BTBD7: variants seen among roughly 807,000 people sequenced by gnomAD.
BTBD7 encodes the protein BTB/POZ domain-containing protein 7.
Under a neutral mutation model 99.9 loss-of-function variants are expected in BTBD7, and 38 were observed. That is an observed-to-expected ratio of 0.38 (90% CI 0.29 to 0.50). The LOEUF is 0.50. BTBD7 is among the 20% of genes least tolerant of loss of function. The pLI, the probability that BTBD7 is intolerant of heterozygous loss-of-function variation, is 0.93. For synonymous variants in BTBD7, 520 were observed against 511.4 expected (o/e 1.02, Z -0.23); for missense variants, 1,170 against 1,394.6 (o/e 0.84, Z 2.57).
chr14:93,313,700 ACACACACAC>A (rs1316543133), intron 1 of BTBD7, among the ~76,000 whole-genome samples: 1 of 151,776 alleles, frequency 6.6e-6, no homozygotes, highest in Non-Finnish European at 1.5e-5. Context: ...ACACACACAC[ACACACACAC>A]ACACACAATC....
chr14:93,245,951 A>G lies in BTBD7; in HGVS notation c.2457T>C (p.Ser819=). 1.2e-6 allele frequency: 2 copies of G among 1,613,966 alleles called. No individual in the cohort carries two copies. Among genetic ancestry groups the G allele is most frequent in the Non-Finnish European group, 8.5e-7 (1 of 1,179,984 alleles). The change falls in exon 10 of 11, where the codon AGT becomes AGC. Residue 819 remains serine, a synonymous_variant. Coordinates refer to ENST00000334746, the MANE Select transcript of BTBD7 (RefSeq NM_001002860.4). ...TACAATCAGGCGGTGCAGCTTTCACACTCGGCAAGTAGACTGGGGGAGGGC... is the reference window on the plus strand; with the variant it reads ...TACAATCAGGCGGTGCAGCTTTCACGCTCGGCAAGTAGACTGGGGGAGGGC... ...KAGPPPVYLP[S]VKAAPPDCTS...
rs775870191 is a variant in BTBD7 at position 93,257,361 on chromosome 14, A to G, written c.1448-6T>C. ...GCCACTCAGTAAGTTTGGCTCTATG[A>G]GACAGAAAATGAAAAGTTTCCAACC... is the stretch of plus-strand genomic sequence containing the variant. On this transcript the variant is annotated splice_region_variant and splice_polypyrimidine_tract_variant and intron_variant, in intron 5 of 10. Coordinates refer to ENST00000334746, the MANE Select transcript of BTBD7 (RefSeq NM_001002860.4). 6.3e-7 allele frequency: 1 copy of G among 1,588,088 alleles called. No homozygotes were observed. Among genetic ancestry groups the G allele is most frequent in the East Asian group, 2.2e-5 (1 of 44,666 alleles).
rs2093768888 is a variant in BTBD7, at chr14:93,257,068, G to C, written c.1608+127C>G. On this transcript the variant is annotated intron_variant, in intron 6 of 10. Coordinates refer to ENST00000334746, the MANE Select transcript of BTBD7 (RefSeq NM_001002860.4). ...ACAACATCGTACACAATAGACATCTGTCTCTGTCCTCACAGAATTACAGCT... is the reference window on the plus strand; with the variant it reads ...ACAACATCGTACACAATAGACATCTCTCTCTGTCCTCACAGAATTACAGCT... 2.2e-5 allele frequency: 20 copies of C among 909,382 alleles called. No homozygotes were observed. In the South Asian group the frequency reaches 3.4e-4, roughly 16 times the overall value. 56.3% of individuals were successfully genotyped at this position (909,382 alleles called of 1,614,324 possible).
intron 1 of BTBD7, among the ~76,000 whole-genome samples, chr14:93,305,595 G>T (rs1312137807): frequency 6.6e-6 from 1 of 152,168 alleles, no homozygotes; most frequent in Non-Finnish European, 1.5e-5. Context: ...CTACCCACTT[G>T]TAGCAGAAAC....
chr14:93,240,291 C>T lies in BTBD7; in HGVS notation c.*1982G>A, dbSNP rs970936099. Reference sequence around the variant, plus strand: ...CAGTTTGCCGGGGCGTGCAGACACACGACATGTTTCCCATCTTGGAGACTA... The same window carrying T: ...CAGTTTGCCGGGGCGTGCAGACACATGACATGTTTCCCATCTTGGAGACTA... On this transcript the variant is annotated 3_prime_UTR_variant, in exon 11 of 11. Transcript: ENST00000334746. The T allele has an allele frequency of 2.0e-5, 3 of 152,614 alleles. No individual in the cohort carries two copies. Among genetic ancestry groups the T allele is most frequent in the Admixed American group, 6.5e-5 (1 of 15,286 alleles). The allele number at this position is 152,614 out of a possible 1,614,324, so 9.5% of individuals were successfully genotyped here.
intron 1 of BTBD7, among the ~76,000 whole-genome samples, chr14:93,315,940 G>A (rs2053198423): frequency 7.0e-6 from 1 of 143,178 alleles, no homozygotes; most frequent in South Asian, 2.2e-4. Context: ...ATGCCTAGGA[G>A]CAAAATGTAT....
At chr14:93,247,686 G>A (rs2052328461) in intron 9 of BTBD7, among the ~76,000 whole-genome samples, 1 of 152,198 alleles carries the variant, frequency 6.6e-6, no homozygotes, top group African/African-American at 2.4e-5. Flanking sequence ...AAGGGGTTTG[G>A]AGTTTGTAGC....
At position 93,249,266 on chromosome 14, in the gene BTBD7, CAAAAAAA is replaced by C. The variant is rs56893984; in HGVS notation, c.1943-619_1943-613del. 8.8e-3 allele frequency among the ~76,000 whole-genome samples: 227 copies of C among 25,922 alleles called. 2 individuals are homozygous for C. Among genetic ancestry groups the C allele is most frequent in the African/African-American group, 0.029 (214 of 7,452 alleles). 17.0% of individuals were successfully genotyped at this position (25,922 alleles called of 152,430 possible). On this transcript the variant is annotated intron_variant, in intron 8 of 10. Coordinates refer to ENST00000334746, the MANE Select transcript of BTBD7 (RefSeq NM_001002860.4). Reference sequence around the variant, plus strand: ...GAAGAATGAAAGGAAACCAGATAGGCAAAAAAAAAAAAAAAAAAAAAAAAAGCTGTCT... The same window carrying C: ...GAAGAATGAAAGGAAACCAGATAGGCAAAAAAAAAAAAAAAAAAGCTGTCT...
chr14:93,307,466 T>C (rs1213998005), intron 1 of BTBD7, among the ~76,000 whole-genome samples: 1 of 152,184 alleles, frequency 6.6e-6, no homozygotes, highest in Admixed American at 6.5e-5. Context: ...GTGACTTTAC[T>C]TTCTAGAGCT....
intron 3 of BTBD7, among the ~76,000 whole-genome samples, chr14:93,266,546 G>C (rs982686199): frequency 3.3e-5 from 5 of 151,814 alleles, no homozygotes; most frequent in Non-Finnish European, 5.9e-5. Context: ...GATGTTAAAA[G>C]TGGGGAGATT....
chr14:93,294,278 C>T lies in BTBD7; in HGVS notation c.742G>A (p.Asp248Asn). 1 of 1,614,040 alleles carries T rather than the reference C, an allele frequency of 6.2e-7. No homozygotes were observed. The highest frequency in any genetic ancestry group is 8.5e-7 in the Non-Finnish European group (1 of 1,180,002). Residue 248 changes from aspartate (D) to asparagine (N), a missense_variant, in exon 3 of 11, where the codon GAT becomes AAT. Coordinates refer to ENST00000334746, the MANE Select transcript of BTBD7 (RefSeq NM_001002860.4). ...TCTGAAGAAAAACTAAGGACGACAT[C>T]ATAATAACACATGTAATCAAAGAGT... ...RGLFDYMCYY[D>N]VVLSFSSDSE...
chr14:93,258,717 T>C (rs908462652), intron 5 of BTBD7, among the ~76,000 whole-genome samples: 4 of 152,156 alleles, frequency 2.6e-5, no homozygotes, highest in African/African-American at 9.7e-5. Context: ...CCCAAGTAGC[T>C]GGGATTATAG....
intron 3 of BTBD7, among the ~76,000 whole-genome samples, chr14:93,269,694 G>A (rs180829680): frequency 5.3e-5 from 8 of 152,252 alleles, no homozygotes; most frequent in African/African-American, 1.9e-4. Context: ...CTTGAATATT[G>A]TGGCAATTGT....
chr14:93,269,633 T>G (rs1394457249), intron 3 of BTBD7, among the ~76,000 whole-genome samples: 2 of 152,222 alleles, frequency 1.3e-5, no homozygotes, highest in East Asian at 3.8e-4. Context: ...TCTTTTTAAA[T>G]TTCCAACGTG....
intron 1 of BTBD7, among the ~76,000 whole-genome samples, chr14:93,300,772 G>GTGTGTGTGTA (rs1438410480): frequency 1.2e-3 from 83 of 67,832 alleles, no homozygotes; most frequent in Middle Eastern, 8.9e-3. Context: ...GTGTGTGTGT[G>GTGTGTGTGTA]TATATATATA....
intron 3 of BTBD7, among the ~76,000 whole-genome samples, chr14:93,266,486 G>A (rs1279281804): frequency 3.4e-5 from 5 of 146,712 alleles, no homozygotes; most frequent in African/African-American, 7.3e-5. Flanking sequence ...GCCTCTTCAC[G>A]AGGCAGAGGA....
chr14:93,330,448 T>A (rs1474495923), intron 1 of BTBD7, among the ~76,000 whole-genome samples: 1 of 152,162 alleles, frequency 6.6e-6, no homozygotes, highest in African/African-American at 2.4e-5. Context: ...AATCCGAAGT[T>A]TCCCAAGTTC....
At chr14:93,286,627 G>A (rs2052780791) in intron 3 of BTBD7, among the ~76,000 whole-genome samples, 1 of 152,122 alleles carries the variant, frequency 6.6e-6, no homozygotes, top group Non-Finnish European at 1.5e-5. Context: ...TGGAAATTGG[G>A]TCCAGTATTT....
Position 93,246,235 on chromosome 14 carries a change from A to G in BTBD7, c.2173T>C (p.Leu725=). ...DERFGDESPL[L]TMRQPGRCRV... Reference sequence around the variant, plus strand: ...CATCTCCCAGGCTGTCTCATTGTCAAGAGTGGACTTTCATCCCCAAAACGT... The same window carrying G: ...CATCTCCCAGGCTGTCTCATTGTCAGGAGTGGACTTTCATCCCCAAAACGT... The change falls in exon 10 of 11, where the codon TTG becomes CTG. Residue 725 remains leucine (L), a synonymous_variant. Transcript: ENST00000334746. The G allele has an allele frequency of 6.4e-7, 1 of 1,564,786 alleles. No homozygotes were observed. The highest frequency in any genetic ancestry group is 8.7e-7 in the Non-Finnish European group (1 of 1,154,144).
Sources: gnomAD v4.1 joint callset for allele counts (sites outside exome capture counted in the v4.1 genomes callset) on GRCh38, gnomAD v4.1.1 for gene constraint, MANE v1.5 for transcripts, NCBI Gene and HGNC (gene_info 2026-07-23, HGNC 2026-07-21) for gene names.